The following EIF3A variants were observed in gnomAD, a reference collection of about 807,000 sequenced individuals.
EIF3A encodes EIF3, p180 subunit.
A neutral mutation model predicts 186.6 loss-of-function variants in EIF3A; 21 were observed. That is an observed-to-expected ratio of 0.11 (90% CI 0.08 to 0.16). The LOEUF is 0.16. Among genes scored for constraint, EIF3A ranks in the 10% least tolerant of loss-of-function variants. The pLI, the probability that EIF3A is intolerant of heterozygous loss-of-function variation, is 1.00. For synonymous variants in EIF3A, 563 were observed against 584.3 expected, an observed-to-expected ratio of 0.96 and a Z score of 0.52; for missense variants, 1,306 against 1,796.3, an observed-to-expected ratio of 0.73 and a Z score of 4.93.
chr10:119,063,995 C>T (rs1307033091), intron 7 of EIF3A, among the ~76,000 whole-genome samples: 2 of 152,164 alleles, frequency 1.3e-5, no homozygotes, highest in East Asian at 3.8e-4. Flanking sequence ...AGGAGAATCA[C>T]TTGAACCTGG....
At chr10:119,067,374 A>C (rs1279199616) in intron 6 of EIF3A, among the ~76,000 whole-genome samples, 1 of 152,126 alleles carries the variant, frequency 6.6e-6, no homozygotes, top group African/African-American at 2.4e-5. Context: ...AGATCACTTG[A>C]GACCAGAAGC....
At chr10:119,038,067 C>T in intron 20 of EIF3A, 171 bp downstream of exon 20, 1 of 605,308 alleles carries the variant, frequency 1.7e-6, no homozygotes, top group Admixed American at 2.6e-5. Flanking sequence ...CAGGCATGCG[C>T]CACCACGCCC....
chr10:119,042,687 C>G lies in EIF3A; in HGVS notation c.2833G>C (p.Asp945His), dbSNP rs747894931. The G allele has an allele frequency of 2.5e-6, 4 of 1,614,194 alleles. No homozygotes were observed. Among genetic ancestry groups the G allele is most frequent in the Non-Finnish European group, 3.4e-6 (4 of 1,180,044 alleles). Residue 945 changes from aspartate (D) to histidine (H), a missense_variant, in exon 19 of 22, where the codon GAT becomes CAT. Physicochemically the swap from Asp to His is moderately conservative, Grantham distance 81 (BLOSUM62 -1). Around this residue, in one of 8 missense-constraint regions of EIF3A, gnomAD observed 410 missense variants for 473.5 expected, o/e 0.87. Coordinates refer to ENST00000369144, the MANE Select transcript of EIF3A (RefSeq NM_003750.4). The surrounding 1 kb of genome is among the most constrained non-coding windows in gnomAD (Gnocchi z 7.8). ...ERPRRLGDDE[D>H]REPSLRPDDD... ...TCTGGTCTAAGAGAGGGCTCTCTAT[C>G]TTCATCATCCCCCAGACGCCGGGGC...
chr10:119,070,013 TA>T (rs1844045840), intron 5 of EIF3A, among the ~76,000 whole-genome samples: 1 of 152,176 alleles, frequency 6.6e-6, no homozygotes, highest in Non-Finnish European at 1.5e-5. Context: ...TCTTTTAACT[TA>T]TGGATTTTTT....
chr10:119,066,916 A>T (rs1192047835), intron 6 of EIF3A, among the ~76,000 whole-genome samples: 1 of 152,190 alleles, frequency 6.6e-6, no homozygotes, highest in African/African-American at 2.4e-5. Context: ...TTTTTCCTTA[A>T]AACAAACAGA....
intron 1 of EIF3A, 50 bp from the exon 2 acceptor site, chr10:119,073,987 C>A: frequency 7.1e-7 from 1 of 1,412,038 alleles, no homozygotes; most frequent in South Asian, 1.6e-5. Flanking sequence ...ATACAAGAGT[C>A]TAAACTTTAC....
intron 15 of EIF3A, 63 bp downstream of exon 15, chr10:119,051,136 G>A (rs1410117217): frequency 7.0e-7 from 1 of 1,428,844 alleles, no homozygotes; most frequent in Non-Finnish European, 9.4e-7. Context: ...TGTTAAGGGA[G>A]AACCCTTAGG....
chr10:119,064,454 C>T (rs1843939046), intron 7 of EIF3A, among the ~76,000 whole-genome samples: 1 of 152,070 alleles, frequency 6.6e-6, no homozygotes, highest in Admixed American at 6.5e-5. Context: ...AGCACCATCC[C>T]CGTAGGCCCA....
chr10:119,044,829 G>C (rs573783869), intron 17 of EIF3A, among the ~76,000 whole-genome samples: 12 of 152,216 alleles, frequency 7.9e-5, no homozygotes, highest in African/African-American at 2.9e-4. Flanking sequence ...GCCTGCACCA[G>C]AGCGCAAGCC....
At position 119,067,737 on chromosome 10, in the gene EIF3A, T is replaced by C. The variant is rs147647007; in HGVS notation, c.950+1709A>G. On this transcript the variant is annotated intron_variant, in intron 6 of 21. Coordinates refer to ENST00000369144, the MANE Select transcript of EIF3A (RefSeq NM_003750.4). ...CATAAGAAAGACAATTTGCTTTACA[T>C]AATTCTACTGGATAACAAAATAATT... is the stretch of plus-strand genomic sequence containing the variant. 2.2e-3 allele frequency among the ~76,000 whole-genome samples: 336 copies of C among 152,360 alleles called. 2 individuals are homozygous for C. Among genetic ancestry groups the C allele is most frequent in the African/African-American group, 7.7e-3 (319 of 41,586 alleles).
At position 119,038,404 on chromosome 10, in the gene EIF3A, T is replaced by C; in HGVS notation, c.3562A>G (p.Ser1188Gly). Residue 1188 changes from serine (S) to glycine (G), a missense_variant, in exon 20 of 22, where the codon AGC (serine) becomes GGC (glycine). Ser to Gly is a moderately conservative substitution (Grantham distance 56, BLOSUM62 0). Coordinates refer to ENST00000369144, the MANE Select transcript of EIF3A (RefSeq NM_003750.4). ...WREKEKAREE[S>G]WGPPRESRPS... ...CTTGATTCTCGAGGTGGACCCCAGC[T>C]CTCCTCTCTGGCTTTTTCTTTCTCT... is the stretch of plus-strand genomic sequence containing the variant. 1 of 1,614,188 alleles carries C rather than the reference T, an allele frequency of 6.2e-7. No homozygotes were observed.
At chr10:119,040,157 A>C (rs1419387316) in intron 19 of EIF3A, among the ~76,000 whole-genome samples, 6 of 152,242 alleles carry the variant, frequency 3.9e-5, no homozygotes, top group African/African-American at 1.4e-4. Context: ...ATCTGCACTT[A>C]CAACAACTGC....
chr10:119,053,266 G>A (rs565242151), intron 14 of EIF3A, among the ~76,000 whole-genome samples: 6 of 152,256 alleles, frequency 3.9e-5, no homozygotes, highest in South Asian at 4.1e-4. Flanking sequence ...TTGGAATGAC[G>A]AGAATTGGCT....
rs763313305 is a variant in EIF3A at position 119,070,866 on chromosome 10, A to C, written c.741+20T>G. The C allele has an allele frequency of 1.3e-6, 2 of 1,574,316 alleles. No homozygotes were observed. The highest frequency in any genetic ancestry group is 1.7e-6 in the Non-Finnish European group (2 of 1,144,062). ...ACAGACTATTATTTCTAGGAAGAAAAGCTAATAGCTCCAACATACCTGCCA... is the reference window on the plus strand; with the variant it reads ...ACAGACTATTATTTCTAGGAAGAAACGCTAATAGCTCCAACATACCTGCCA... On this transcript the variant is annotated intron_variant, in intron 5 of 21. Transcript: ENST00000369144.
intron 7 of EIF3A, among the ~76,000 whole-genome samples, chr10:119,064,610 C>A (rs1843942595): frequency 6.6e-6 from 1 of 152,170 alleles, no homozygotes; most frequent in Non-Finnish European, 1.5e-5. Flanking sequence ...CCTGAGGTCT[C>A]CCCAGATGCA....
Position 119,051,428 on chromosome 10 carries a change from T to C in EIF3A, c.2197-107A>G. 1.8e-6 allele frequency: 2 copies of C among 1,113,708 alleles called. 1 individual carries two copies. The highest frequency in any genetic ancestry group is 5.5e-4 in the Middle Eastern group (2 of 3,648). The allele number at this position is 1,113,708 out of a possible 1,614,324, so 69.0% of individuals were successfully genotyped here. On this transcript the variant is annotated intron_variant, in intron 14 of 21. Transcript: ENST00000369144. ...AAATTAGAAGCTGCTCCACTGCCCCTTCTGTCATGCCATAAAAATGAAAAC... is the reference window on the plus strand; with the variant it reads ...AAATTAGAAGCTGCTCCACTGCCCCCTCTGTCATGCCATAAAAATGAAAAC...
At chr10:119,065,244 C>T (rs576532908) in intron 7 of EIF3A, among the ~76,000 whole-genome samples, 155 bp downstream of exon 7, 80 of 152,254 alleles carry the variant, frequency 5.3e-4, no homozygotes, top group Middle Eastern at 3.4e-3. Flanking sequence ...CGCGGAACTG[C>T]CTCAAGTGAA....
chr10:119,041,871 TA>T, intron 19 of EIF3A, 122 bp downstream of exon 19: 1 of 1,066,414 alleles, frequency 9.4e-7, no homozygotes. Flanking sequence ...CTGCAAATGA[TA>T]CTGAAGGAAA....
intron 1 of EIF3A, among the ~76,000 whole-genome samples, chr10:119,077,056 A>T (rs1191180945): frequency 6.6e-5 from 10 of 152,214 alleles, no homozygotes; most frequent in Admixed American, 6.5e-4. Flanking sequence ...TTATACTTTA[A>T]GAAAATCACA....
Sources: allele counts gnomAD v4.1 joint callset (sites outside exome capture counted in the v4.1 genomes callset), GRCh38; gene constraint gnomAD v4.1.1; regional missense constraint gnomAD v4.1.1; non-coding constraint Gnocchi (gnomAD v3.1); transcripts MANE v1.5; gene names NCBI Gene and HGNC (gene_info 2026-07-23, HGNC 2026-07-21).